NMS: variants seen among roughly 807,000 people sequenced by gnomAD.
NMS encodes the protein neuromedin S, also known as neuromedin-S.
Under a neutral mutation model 32.2 loss-of-function variants are expected in NMS, and 30 were observed. The ratio of observed to expected loss-of-function variants is 0.93; its 90% confidence interval spans 0.70 to 1.26. The LOEUF is 1.26. NMS is among the 50% of genes most tolerant of loss of function. The probability of loss-of-function intolerance (pLI) is 0.00; values close to 1 mark genes in which losing one functional copy is unlikely to be tolerated. For missense variants in NMS, 190 were observed against 186.3 expected (o/e 1.02, Z -0.12); for synonymous variants, 76 against 58.5 (o/e 1.30, Z -1.37).
At chr2:100,481,426 T>C (rs1190784592) in intron 8 of NMS, among the ~76,000 whole-genome samples, 1 of 152,134 alleles carries the variant, frequency 6.6e-6, no homozygotes. Flanking sequence ...AGACACAAGG[T>C]AGACCAGAAT....
chr2:100,481,162 T>G lies in NMS; in HGVS notation c.409T>G (p.Phe137Val). 1 of 1,614,116 alleles carries G rather than the reference T, an allele frequency of 6.2e-7. No individual in the cohort carries two copies. Among genetic ancestry groups the G allele is most frequent in the Non-Finnish European group, 8.5e-7 (1 of 1,179,962 alleles). The part of the protein sequence containing the change: ...TATWGRPFFL[F>V]RPRNGRNIED... ...GACCTGGGGACGACCCTTTTTCCTT[T>G]TCAGGGTATAGCATGTTTTCTCACC... Residue 137 changes from phenylalanine (F) to valine (V), a missense_variant, in exon 8 of 10, where the codon TTC (phenylalanine) becomes GTC (valine). Physicochemically the swap from Phe to Val is conservative, Grantham distance 50 (BLOSUM62 -1). Coordinates refer to ENST00000376865, the MANE Select transcript of NMS (RefSeq NM_001011717.1).
At chr2:100,474,934 C>T (rs1677078137) in intron 3 of NMS, among the ~76,000 whole-genome samples, 1 of 152,196 alleles carries the variant, frequency 6.6e-6, no homozygotes, top group African/African-American at 2.4e-5. Flanking sequence ...GTTACTTCCT[C>T]CACATGTTGC....
intron 9 of NMS, 56 bp downstream of exon 9, chr2:100,482,367 G>A: frequency 1.3e-6 from 2 of 1,525,210 alleles, no homozygotes; most frequent in South Asian, 1.1e-5. Context: ...CAAATTTTAT[G>A]TGTCTGACTG....
At chr2:100,480,146 C>T (rs1015660062) in intron 6 of NMS, among the ~76,000 whole-genome samples, 15 of 152,240 alleles carry the variant, frequency 9.9e-5, no homozygotes, top group African/African-American at 3.6e-4. Context: ...ACCAGTTTCA[C>T]AGGCAATGAA....
rs754914838 is a variant in NMS, at chr2:100,472,818, C to T, written c.100C>T (p.Pro34Ser). 1.2e-6 allele frequency: 2 copies of T among 1,610,596 alleles called. No individual in the cohort carries two copies. The highest frequency in any genetic ancestry group is 1.7e-6 in the Non-Finnish European group (2 of 1,177,268). ...SSGFPQPLAD[P>S]SDGLDIVQLE... ...AGGATTTCCTCAACCTTTAGCTGAT[C>T]CTTCAGATGGCTTGGATATTGTGCA... is the stretch of plus-strand genomic sequence containing the variant. Residue 34 changes from proline to serine, a missense_variant, in exon 2 of 10, where the codon CCT becomes TCT. By Grantham distance (74) the Pro-to-Ser change is moderately conservative (BLOSUM62 -1). Coordinates refer to ENST00000376865, the MANE Select transcript of NMS (RefSeq NM_001011717.1).
intron 5 of NMS, among the ~76,000 whole-genome samples, chr2:100,478,789 A>G (rs538107878): frequency 8.5e-5 from 13 of 152,382 alleles, no homozygotes; most frequent in African/African-American, 2.9e-4. Context: ...ACAAGGGCAC[A>G]TGAAAGGAGA....
intron 5 of NMS, among the ~76,000 whole-genome samples, chr2:100,477,718 GCT>G (rs1677138881): frequency 6.6e-6 from 1 of 152,122 alleles, no homozygotes; most frequent in Non-Finnish European, 1.5e-5. Context: ...TAAACACTGT[GCT>G]CTCTTTACAT....
At chr2:100,482,433 C>A in intron 9 of NMS, 122 bp downstream of exon 9, 2 of 916,090 alleles carry the variant, frequency 2.2e-6, no homozygotes, top group Non-Finnish European at 3.5e-6. Flanking sequence ...GAGGACCCTT[C>A]ATAACCCCCA....
intron 3 of NMS, among the ~76,000 whole-genome samples, chr2:100,475,342 T>C (rs533094917): frequency 6.6e-6 from 1 of 152,276 alleles, no homozygotes; most frequent in Admixed American, 6.5e-5. Flanking sequence ...TTCACTCCTG[T>C]TCTGGTTTCC....
At chr2:100,479,125 G>A (rs1253796307) in intron 5 of NMS, among the ~76,000 whole-genome samples, 1 of 152,162 alleles carries the variant, frequency 6.6e-6, no homozygotes, top group African/African-American at 2.4e-5. Context: ...TTACCCTAAG[G>A]GAATATTTTT....
chr2:100,476,652 A>G (rs1046803880), intron 3 of NMS, among the ~76,000 whole-genome samples: 1 of 151,508 alleles, frequency 6.6e-6, no homozygotes, highest in Non-Finnish European at 1.5e-5. Context: ...TAAAACATGG[A>G]CATGAACACT....
chr2:100,481,749 C>T (rs997231133), intron 8 of NMS, among the ~76,000 whole-genome samples: 1 of 152,224 alleles, frequency 6.6e-6, no homozygotes, highest in South Asian at 2.1e-4. Context: ...GAAAACACTG[C>T]ACCCGACATT....
intron 3 of NMS, 150 bp from the exon 4 acceptor site, chr2:100,477,094 T>A: frequency 1.5e-6 from 1 of 663,060 alleles, no homozygotes; most frequent in Non-Finnish European, 2.7e-6. Flanking sequence ...ACTCATTAAA[T>A]TTACGTAATA....
chr2:100,477,397 C>T lies in NMS; in HGVS notation c.244C>T (p.His82Tyr), dbSNP rs371938662. ...CTACTCCAGAACTCAGGAGGCAACACATCCAGTTAAAACTGGGGTCAGTAT... is the reference window on the plus strand; with the variant it reads ...CTACTCCAGAACTCAGGAGGCAACATATCCAGTTAAAACTGGGGTCAGTAT... ...FHYSRTQEAT[H>Y]PVKTGFPPVH... Residue 82 changes from histidine to tyrosine, a missense_variant, in exon 5 of 10, where the codon CAT becomes TAT. By Grantham distance (83) the His-to-Tyr change is moderately conservative. Coordinates refer to ENST00000376865, the MANE Select transcript of NMS (RefSeq NM_001011717.1). 1.2e-5 allele frequency: 20 copies of T among 1,612,782 alleles called. No individual in the cohort carries two copies. Among genetic ancestry groups the T allele is most frequent in the African/African-American group, 2.7e-5 (2 of 74,912 alleles).
intron 1 of NMS, among the ~76,000 whole-genome samples, chr2:100,472,240 G>A (rs1273967793): frequency 1.4e-5 from 2 of 148,146 alleles, no homozygotes; most frequent in Non-Finnish European, 3.0e-5. Flanking sequence ...ATCCCACCAA[G>A]TGTTGTATCA....
At chr2:100,480,912 G>T (rs879416792) in intron 7 of NMS, among the ~76,000 whole-genome samples, 15 of 152,108 alleles carry the variant, frequency 9.9e-5, no homozygotes, top group Admixed American at 2.6e-4. Flanking sequence ...ATGCATCAGA[G>T]TCACCTGGCT....
intron 2 of NMS, among the ~76,000 whole-genome samples, chr2:100,473,068 C>T (rs72964182): frequency 6.6e-6 from 1 of 152,092 alleles, no homozygotes; most frequent in East Asian, 1.9e-4. Context: ...AGAAATAGGA[C>T]AATTTTAGAA....
chr2:100,481,928 A>G (rs1258232967), intron 8 of NMS, among the ~76,000 whole-genome samples: 1 of 152,180 alleles, frequency 6.6e-6, no homozygotes, highest in African/African-American at 2.4e-5. Context: ...CGTTTCCTAG[A>G]AAGTGCTTTG....
chr2:100,478,106 C>T (rs1259893790), intron 5 of NMS, among the ~76,000 whole-genome samples: 2 of 152,102 alleles, frequency 1.3e-5, no homozygotes, highest in Non-Finnish European at 1.5e-5. Context: ...GGATTACAGG[C>T]ATGCGCCACC....
Sources: allele counts gnomAD v4.1 joint callset (sites outside exome capture counted in the v4.1 genomes callset), GRCh38; gene constraint gnomAD v4.1.1; transcripts MANE v1.5; gene names NCBI Gene and HGNC (gene_info 2026-07-23, HGNC 2026-07-21).